Variants in TLL1 observed in about 807,000 individuals in gnomAD.
The protein encoded by TLL1 is tolloid-like protein 1.
In TLL1, 49 loss-of-function variants were observed where a neutral mutation model predicts 128.2. The observed-to-expected ratio is 0.38, with a 90% confidence interval of 0.30 to 0.48. The LOEUF is 0.48. Among genes scored for constraint, TLL1 ranks in the 20% least tolerant of loss-of-function variants. The probability of loss-of-function intolerance (pLI) is 0.96; values close to 1 mark genes in which losing one functional copy is unlikely to be tolerated. For synonymous variants in TLL1, 454 were observed against 418.8 expected (o/e 1.08, Z -1.03); for missense variants, 1,123 against 1,242.0 (o/e 0.90, Z 1.44).
intron 8 of TLL1, among the ~76,000 whole-genome samples, chr4:166,023,879 A>C (rs886539449): frequency 6.6e-6 from 1 of 151,842 alleles, no homozygotes; most frequent in African/African-American, 2.4e-5. Flanking sequence ...AAATTATTAC[A>C]GAATTTATTT....
chr4:165,885,600 A>C (rs892245450), intron 1 of TLL1, among the ~76,000 whole-genome samples: 2 of 149,930 alleles, frequency 1.3e-5, no homozygotes, highest in African/African-American at 4.9e-5. Context: ...ACAAACAAAC[A>C]AAAAAAAAAC....
In TLL1 at chr4:165,991,282, A is replaced by G. The variant is rs1382324835; in HGVS notation, c.281-1522A>G. 2.2e-4 allele frequency among the ~76,000 whole-genome samples: 34 copies of G among 152,040 alleles called. 1 individual carries two copies. The highest frequency in any genetic ancestry group is 2.2e-3 in the Admixed American group (34 of 15,240). On this transcript the variant is annotated intron_variant, in intron 2 of 20. Transcript: ENST00000061240. ...AAAACAGATCATACTGATAATAATA[A>G]AAACACTTATTCTAAATTTTTCTGT...
intron 18 of TLL1, among the ~76,000 whole-genome samples, chr4:166,081,456 T>C (rs1486476021): frequency 4.6e-5 from 7 of 152,176 alleles, no homozygotes; most frequent in African/African-American, 1.7e-4. Context: ...ACAAATGTTC[T>C]TGTGAGCAGG....
intron 1 of TLL1, chr4:165,875,079 T>C (rs1579428435): frequency 6.6e-6 from 1 of 152,622 alleles, no homozygotes; most frequent in Admixed American, 6.5e-5. Context: ...TGCATGGTGG[T>C]TGGGGCTAAC....
intron 9 of TLL1, among the ~76,000 whole-genome samples, chr4:166,033,138 CT>C (rs1553963173): frequency 6.6e-6 from 1 of 151,974 alleles, no homozygotes; most frequent in Non-Finnish European, 1.5e-5. Context: ...TTAAAATAAC[CT>C]TTTAGAAGCA....
Position 166,099,380 on chromosome 4 carries a change from A to C in TLL1, c.2760A>C (p.Leu920=). The C allele has an allele frequency of 6.2e-7, 1 of 1,613,606 alleles. No homozygotes were observed. The change falls in exon 20 of 21, where the codon CTA becomes CTC. Residue 920 remains leucine, a synonymous_variant. Coordinates refer to ENST00000061240, the MANE Select transcript of TLL1 (RefSeq NM_012464.5). ...CAGGACAGGTTGACTGTGAATGGCT[A>C]TTAGTATCAGAACGGGGCTCTCGAC... The part of the protein sequence containing the change: ...NYPGQVDCEW[L]LVSERGSRLE...
chr4:166,011,496 A>C (rs989870821), intron 7 of TLL1, among the ~76,000 whole-genome samples: 36 of 151,676 alleles, frequency 2.4e-4, no homozygotes, highest in African/African-American at 7.7e-4. Flanking sequence ...ACTTTGCTTA[A>C]TTCGTTGACT....
At chr4:166,038,046 G>A (rs1304437789) in intron 9 of TLL1, among the ~76,000 whole-genome samples, 2 of 152,170 alleles carry the variant, frequency 1.3e-5, no homozygotes, top group African/African-American at 4.8e-5. Flanking sequence ...TGGGAAAGAA[G>A]TAAGTTCATT....
intron 1 of TLL1, among the ~76,000 whole-genome samples, chr4:165,914,416 T>G (rs950071730): frequency 6.6e-6 from 1 of 152,204 alleles, no homozygotes; most frequent in Non-Finnish European, 1.5e-5. Context: ...AGAGGCATGA[T>G]GTTTAAGCTA....
intron 1 of TLL1, among the ~76,000 whole-genome samples, chr4:165,913,150 A>C (rs1477778590): frequency 6.6e-6 from 1 of 152,166 alleles, no homozygotes; most frequent in Non-Finnish European, 1.5e-5. Flanking sequence ...AACACCAACA[A>C]AACTCCCTTA....
intron 17 of TLL1, among the ~76,000 whole-genome samples, chr4:166,077,506 G>A (rs1018240505): frequency 6.6e-6 from 1 of 152,098 alleles, no homozygotes; most frequent in Non-Finnish European, 1.5e-5. Flanking sequence ...TTCCTTTATA[G>A]GAAAAAAATT....
rs188196306 is a variant in TLL1 at position 165,975,489 on chromosome 4, C to A, written c.170-13892C>A. Among the ~76,000 whole-genome samples the A allele has an allele frequency of 1.6e-4, 24 of 152,206 alleles. No homozygotes were observed. In the East Asian group the frequency reaches 3.9e-3, roughly 25 times the overall value. On this transcript the variant is annotated intron_variant, in intron 1 of 20. Coordinates refer to ENST00000061240, the MANE Select transcript of TLL1 (RefSeq NM_012464.5). ...CCAGCTGTTTAAGGAAAAAATAATT[C>A]TAACTTATACAAATTGTCTGAATGA... is the stretch of plus-strand genomic sequence containing the variant.
chr4:165,907,550 CTT>C (rs111799840), intron 1 of TLL1, among the ~76,000 whole-genome samples: 115 of 139,416 alleles, frequency 8.2e-4, no homozygotes, highest in African/African-American at 2.3e-3. Context: ...TAATGCAAGC[CTT>C]TTTTTTTTTT....
At chr4:166,048,178 G>A (rs1331459859) in intron 12 of TLL1, among the ~76,000 whole-genome samples, 1 of 150,716 alleles carries the variant, frequency 6.6e-6, no homozygotes, top group Non-Finnish European at 1.5e-5. Flanking sequence ...AGAGTTTGCA[G>A]TGAGCCAGGA....
At chr4:165,985,334 C>G (rs1237324601) in intron 1 of TLL1, among the ~76,000 whole-genome samples, 1 of 151,952 alleles carries the variant, frequency 6.6e-6, no homozygotes, top group Admixed American at 6.6e-5. Context: ...GACTGGTAAC[C>G]AGCTATCAGA....
At chr4:165,905,087 A>G (rs1200995001) in intron 1 of TLL1, among the ~76,000 whole-genome samples, 1 of 152,214 alleles carries the variant, frequency 6.6e-6, no homozygotes, top group East Asian at 1.9e-4. Context: ...TAGTGAAGTA[A>G]CTGCAGTGCT....
intron 16 of TLL1, among the ~76,000 whole-genome samples, chr4:166,071,502 CT>C (rs145489617): frequency 6.6e-6 from 1 of 151,826 alleles, no homozygotes; most frequent in African/African-American, 2.4e-5. Context: ...AAGTAAAACA[CT>C]TTTTTTCTTC....
At position 166,031,346 on chromosome 4, in the gene TLL1, T is replaced by C. The variant is rs139909203; in HGVS notation, c.1158+5915T>C. Among the ~76,000 whole-genome samples, 46 of 150,908 alleles carry C rather than the reference T, an allele frequency of 3.0e-4. No homozygotes were observed. In the East Asian group the frequency reaches 6.2e-3, roughly 20 times the overall value. ...TGTATCATTTATAAATTTTATAAAT[T>C]ATGGCGATTGCAAGGTCTTTTTTTT... On this transcript the variant is annotated intron_variant, in intron 9 of 20. Transcript: ENST00000061240.
chr4:166,055,129 C>T lies in TLL1; in HGVS notation c.1578C>T (p.Thr526=). The change falls in exon 13 of 21, where the codon ACC becomes ACT. Residue 526 remains threonine, a synonymous_variant. Transcript: ENST00000061240. ...ACTACCTGGAAGTTAGAGATGGAACCAGTGAAAATAGCCCTTTGATAGGGC... is the reference window on the plus strand; with the variant it reads ...ACTACCTGGAAGTTAGAGATGGAACTAGTGAAAATAGCCCTTTGATAGGGC... The part of the protein sequence containing the change: ...AYDYLEVRDG[T]SENSPLIGRF... The T allele has an allele frequency of 1.2e-6, 2 of 1,613,100 alleles. No individual in the cohort carries two copies. The highest frequency in any genetic ancestry group is 2.2e-5 in the East Asian group (1 of 44,790).
Sources: allele counts gnomAD v4.1 joint callset (sites outside exome capture counted in the v4.1 genomes callset), GRCh38; gene constraint gnomAD v4.1.1; transcripts MANE v1.5; gene names NCBI Gene and HGNC (gene_info 2026-07-23, HGNC 2026-07-21).